Variants in MTARC2 observed in about 807,000 individuals in gnomAD.
The protein encoded by MTARC2 is mitochondrial amidoxime reducing component 2, also known as MOCO sulphurase C-terminal domain containing 2.
A neutral mutation model predicts 35.6 loss-of-function variants in MTARC2; 27 were observed. The observed-to-expected ratio is 0.76, with a 90% CI of 0.56 to 1.04. The LOEUF is 1.04. Ranked by LOEUF, MTARC2 falls within the 50% of genes least tolerant of loss-of-function variation. MTARC2 has a pLI of 0.00. For synonymous variants in MTARC2, 158 were observed against 167.1 expected (o/e 0.95, Z 0.42); for missense variants, 412 against 432.5 (o/e 0.95, Z 0.42).
intron 2 of MTARC2, among the ~76,000 whole-genome samples, chr1:220,757,327 C>G (rs192514735): frequency 6.6e-6 from 1 of 152,374 alleles, no homozygotes; most frequent in Admixed American, 6.5e-5. Flanking sequence ...TGGATTGATG[C>G]AGAGGTGTAG....
At chr1:220,749,228 T>C (rs375092901) in intron 1 of MTARC2, among the ~76,000 whole-genome samples, 53 of 152,134 alleles carry the variant, frequency 3.5e-4, no homozygotes, top group African/African-American at 1.2e-3. Flanking sequence ...TCTCCAATCC[T>C]GGGGGTGCCC....
intron 4 of MTARC2, among the ~76,000 whole-genome samples, chr1:220,773,353 G>A (rs532277068): frequency 1.3e-5 from 2 of 152,310 alleles, no homozygotes; most frequent in Admixed American, 6.5e-5. Flanking sequence ...ATGAAAACTC[G>A]GAGAGCCTCC....
chr1:220,780,026 G>A lies in MTARC2; in HGVS notation c.759G>A (p.Trp253Ter). 6.5e-7 allele frequency: 1 copy of A among 1,533,558 alleles called. No homozygotes were observed. The highest frequency in any genetic ancestry group is 1.3e-5 in the South Asian group (1 of 75,592). 95.0% of individuals were successfully genotyped at this position (1,533,558 alleles called of 1,614,324 possible). A position where few individuals can be genotyped will look rare whatever the true frequency, so the allele number is the denominator to read the frequency against. Residue 253 changes from tryptophan to a stop codon, truncating the protein, a stop_gained, in exon 5 of 8, where the codon TGG becomes TGA. Transcript: ENST00000366913. LOFTEE classifies it high-confidence loss of function. ...TGCDAFEEDT[W>*]DELLIGSVEV... is the part of the protein sequence containing the mutation. ...TTTCTCTTTTCTCTTAGGATACCTG[G>A]GATGAACTCCTAATTGGTAGTGTAG...
chr1:220,763,150 CCAGT>C, intron 4 of MTARC2, 100 bp downstream of exon 4: 1 of 1,520,822 alleles, frequency 6.6e-7, no homozygotes, highest in Non-Finnish European at 9.1e-7. Flanking sequence ...CCGCCAGGGT[CCAGT>C]CATTCACTCA....
chr1:220,755,193 C>G (rs533776668), intron 2 of MTARC2, 73 bp downstream of exon 2: 1 of 1,451,064 alleles, frequency 6.9e-7, no homozygotes, highest in African/African-American at 1.4e-5. Flanking sequence ...TGCATTCTGT[C>G]TTGCTATAGT....
chr1:220,755,044 A>G lies in MTARC2; in HGVS notation c.370A>G (p.Ile124Val). ...ISIIYENNCLIFRAPDMDQLV... is the reference protein window; with the variant it reads ...ISIIYENNCLVFRAPDMDQLV... ...CATCATTTATGAGAATAACTGCCTG[A>G]TCTTCAGGGCTCCAGACATGGACCA... The change falls in exon 2 of 8, where the codon ATC becomes GTC. Residue 124 changes from isoleucine to valine, a missense_variant. Ile to Val is a conservative substitution (Grantham distance 29). Transcript: ENST00000366913. 2 of 1,613,370 alleles carry G rather than the reference A, an allele frequency of 1.2e-6. No individual in the cohort carries two copies. Among genetic ancestry groups the G allele is most frequent in the South Asian group, 1.1e-5 (1 of 90,904 alleles).
At position 220,748,612 on chromosome 1, in the gene MTARC2, G is replaced by T. The variant is rs752770501; in HGVS notation, c.81G>T (p.Ala27=). The T allele has an allele frequency of 2.0e-6, 3 of 1,479,174 alleles. No individual in the cohort carries two copies. Among genetic ancestry groups the T allele is most frequent in the Admixed American group, 2.6e-5 (1 of 39,118 alleles). 91.6% of individuals were successfully genotyped at this position (1,479,174 alleles called of 1,614,324 possible). Residue 27 remains alanine, a synonymous_variant, in exon 1 of 8, where the codon GCG becomes GCT. Coordinates refer to ENST00000366913, the MANE Select transcript of MTARC2 (RefSeq NM_017898.5). Reference sequence around the variant, plus strand: ...GGCCCAGGTGGCTCGGGGTCGCCGCGCTAGGACTGGCCGCCGTGGCCCTGG... The same window carrying T: ...GGCCCAGGTGGCTCGGGGTCGCCGCTCTAGGACTGGCCGCCGTGGCCCTGG... ...RPWPRWLGVA[A]LGLAAVALGT...
At position 220,748,838 on chromosome 1, in the gene MTARC2, C is replaced by A. The variant is rs1266309281; in HGVS notation, c.272+35C>A. On this transcript the variant is annotated intron_variant, in intron 1 of 7. Coordinates refer to ENST00000366913, the MANE Select transcript of MTARC2 (RefSeq NM_017898.5). ...AGCGCGGGCGCGGGGCAGCGCGGAGCCTGCCTGGGATGAGGAGCGGGGGGG... is the reference window on the plus strand; with the variant it reads ...AGCGCGGGCGCGGGGCAGCGCGGAGACTGCCTGGGATGAGGAGCGGGGGGG... 4 of 1,531,204 alleles carry A rather than the reference C, an allele frequency of 2.6e-6. No homozygotes were observed. In the South Asian group the frequency reaches 3.7e-5, roughly 14 times the overall value. The allele number at this position is 1,531,204 out of a possible 1,614,324, so 94.9% of individuals were successfully genotyped here.
chr1:220,780,143 C>G, intron 5 of MTARC2, 25 bp from the exon 6 acceptor site: 1 of 1,610,714 alleles, frequency 6.2e-7, no homozygotes, highest in Non-Finnish European at 8.5e-7. Context: ...TAAGCATCAC[C>G]TAACCCTTGG....
chr1:220,765,415 G>T (rs1671555211), intron 4 of MTARC2, among the ~76,000 whole-genome samples: 1 of 152,200 alleles, frequency 6.6e-6, no homozygotes, highest in Non-Finnish European at 1.5e-5. Context: ...CTCTGAGCAA[G>T]GAAGTAATTA....
chr1:220,748,856 C>CGGG lies in MTARC2; in HGVS notation c.272+58_272+60dup, dbSNP rs573517065. 5.4e-6 allele frequency: 8 copies of CGGG among 1,490,330 alleles called. No homozygotes were observed. In the African/African-American group the frequency reaches 7.3e-5, roughly 14 times the overall value. The allele number at this position is 1,490,330 out of a possible 1,614,324, so 92.3% of individuals were successfully genotyped here. On this transcript the variant is annotated intron_variant, in intron 1 of 7. Transcript: ENST00000366913. ...CGCGGAGCCTGCCTGGGATGAGGAG[C>CGGG]GGGGGGGCAGGTGGGGCCCGATCTA...
At chr1:220,780,296 T>A in intron 6 of MTARC2, 57 bp downstream of exon 6, 2 of 1,485,878 alleles carry the variant, frequency 1.3e-6, no homozygotes, top group Non-Finnish European at 1.8e-6. Context: ...CAGAACTACC[T>A]ATGGGTTTAG....
At chr1:220,758,396 T>G (rs1671340441) in intron 2 of MTARC2, among the ~76,000 whole-genome samples, 2 of 151,856 alleles carry the variant, frequency 1.3e-5, no homozygotes, top group East Asian at 1.9e-4. Context: ...TTCTTGATTA[T>G]CACAAGTATT....
intron 1 of MTARC2, among the ~76,000 whole-genome samples, chr1:220,753,485 G>A (rs1671188403): frequency 6.6e-6 from 1 of 152,212 alleles, no homozygotes. Context: ...GGTTGCAGAT[G>A]TAAGACTATC....
At chr1:220,749,330 C>A (rs1018437960) in intron 1 of MTARC2, among the ~76,000 whole-genome samples, 1 of 152,150 alleles carries the variant, frequency 6.6e-6, no homozygotes, top group African/African-American at 2.4e-5. Context: ...ATAGTGTCCC[C>A]CCTTCTCCCA....
chr1:220,779,286 G>T (rs1368926385), intron 4 of MTARC2, among the ~76,000 whole-genome samples: 1 of 152,040 alleles, frequency 6.6e-6, no homozygotes, highest in Admixed American at 6.5e-5. Context: ...ACATATATAT[G>T]GTTAAAAGCT....
chr1:220,768,429 T>C (rs1369549426), intron 4 of MTARC2, among the ~76,000 whole-genome samples: 2 of 152,138 alleles, frequency 1.3e-5, no homozygotes, highest in Admixed American at 1.3e-4. Context: ...ATCCTTGTTT[T>C]TCAGATAAGG....
chr1:220,779,808 A>G (rs1672015686), intron 4 of MTARC2, among the ~76,000 whole-genome samples: 1 of 152,208 alleles, frequency 6.6e-6, no homozygotes, highest in African/African-American at 2.4e-5. Context: ...CGATGATGGA[A>G]TCAGGGTTTT....
chr1:220,766,862 A>G (rs1289038960), intron 4 of MTARC2, among the ~76,000 whole-genome samples: 7 of 78,708 alleles, frequency 8.9e-5, no homozygotes, highest in Non-Finnish European at 1.5e-4. Flanking sequence ...TAAAAGTACA[A>G]AAAAAAAAAA....
Sources: allele counts gnomAD v4.1 joint callset (sites outside exome capture counted in the v4.1 genomes callset), GRCh38; gene constraint gnomAD v4.1.1; transcripts MANE v1.5; gene names NCBI Gene and HGNC (gene_info 2026-07-23, HGNC 2026-07-21).